WDR27: variants seen among roughly 807,000 people sequenced by gnomAD.
WDR27 encodes WD repeat domain 27.
In WDR27, 100 loss-of-function variants were observed where a neutral mutation model predicts 114.4. That is an observed-to-expected ratio of 0.87 (90% CI 0.74 to 1.03). WDR27 has a LOEUF of 1.03. Ranked by LOEUF, WDR27 falls within the 50% of genes least tolerant of loss-of-function variation. WDR27 has a pLI of 0.00. For synonymous variants in WDR27, 449 were observed against 423.1 expected (o/e 1.06, Z -0.75); for missense variants, 1,129 against 1,092.9 (o/e 1.03, Z -0.47).
intron 25 of WDR27, chr6:169,558,200 G>A (rs1799180266): frequency 1.3e-5 from 2 of 152,008 alleles, no homozygotes; most frequent in African/African-American, 2.4e-5. Flanking sequence ...AAGTGATCTT[G>A]TGTCAGAGTA....
chr6:169,427,364 G>C, the WDR27 span, among the ~76,000 whole-genome samples: 1 of 152,188 alleles, frequency 6.6e-6, no homozygotes, highest in Non-Finnish European at 1.5e-5. Context: ...GGAAGACTGA[G>C]AATCTCCCTC....
chr6:169,430,021 C>T, the WDR27 span, among the ~76,000 whole-genome samples: 1 of 152,176 alleles, frequency 6.6e-6, no homozygotes, highest in Non-Finnish European at 1.5e-5. Context: ...CTGGTTCCAC[C>T]ATCTTCAAGG....
intron 21 of WDR27, among the ~76,000 whole-genome samples, chr6:169,618,521 C>T (rs1812384542): frequency 7.2e-6 from 1 of 138,148 alleles, no homozygotes; most frequent in Non-Finnish European, 1.5e-5. Context: ...CTTGTTAATA[C>T]AATACTAAAA....
At chr6:169,575,526 A>G (rs1303906990) in intron 24 of WDR27, among the ~76,000 whole-genome samples, 1 of 152,082 alleles carries the variant, frequency 6.6e-6, no homozygotes, top group Middle Eastern at 3.2e-3. Context: ...CCCAACACTG[A>G]TCCTGAGCTG....
chr6:169,430,838 G>A, the WDR27 span, among the ~76,000 whole-genome samples: 1 of 152,220 alleles, frequency 6.6e-6, no homozygotes, highest in Non-Finnish European at 1.5e-5. Flanking sequence ...TGGGGAGGAA[G>A]TTGACTGGAG....
intron 2 of WDR27, among the ~76,000 whole-genome samples, chr6:169,683,863 T>A (rs1359867478): frequency 6.6e-6 from 1 of 152,212 alleles, no homozygotes; most frequent in Non-Finnish European, 1.5e-5. Context: ...TGGAAATTCA[T>A]GCTGTTGCAT....
At chr6:169,612,186 C>A (rs1810701152) in intron 22 of WDR27, among the ~76,000 whole-genome samples, 2 of 151,166 alleles carry the variant, frequency 1.3e-5, no homozygotes, top group Non-Finnish European at 2.9e-5. Flanking sequence ...AATCCCAGCA[C>A]TTTGGGAGGC....
At chr6:169,650,143 C>T (rs76890809) in intron 14 of WDR27, among the ~76,000 whole-genome samples, 6,467 of 139,138 alleles carry the variant, frequency 0.046, 184 homozygotes, top group Non-Finnish European at 0.07. Context: ...CTCTCAACTC[C>T]GCCCCTCTCC....
At position 169,465,878 on chromosome 6, in the gene WDR27, G is replaced by C. The variant is rs113014245; in HGVS notation, c.2646-8244C>G. Among the ~76,000 whole-genome samples the C allele has an allele frequency of 5.4e-3, 819 of 152,250 alleles. 6 individuals carry two copies. The highest frequency in any genetic ancestry group is 0.019 in the African/African-American group (789 of 41,546). On this transcript the variant is annotated intron_variant, in intron 25 of 25. Coordinates refer to ENST00000448612, the MANE Select transcript of WDR27 (RefSeq NM_182552.5). ...TTGCCAGGGACTGAGGAAGGGGATG[G>C]GGAATTATTACTTAATGGGCATGAA...
At chr6:169,646,565 TG>T (rs1820793422) in intron 16 of WDR27, among the ~76,000 whole-genome samples, 1 of 152,104 alleles carries the variant, frequency 6.6e-6, no homozygotes, top group African/African-American at 2.4e-5. Flanking sequence ...GTGGCCAACA[TG>T]GTGAAACCCC....
chr6:169,664,722 A>C, intron 7 of WDR27: 1 of 999,582 alleles, frequency 1.0e-6, no homozygotes, highest in Non-Finnish European at 1.2e-6. Flanking sequence ...CAAATTATAA[A>C]AACAGCAACT....
chr6:169,487,666 A>G (rs909276842), intron 25 of WDR27, among the ~76,000 whole-genome samples: 2 of 152,222 alleles, frequency 1.3e-5, no homozygotes, highest in Non-Finnish European at 2.9e-5. Flanking sequence ...CCAAGATAAG[A>G]CTTTTTAAAA....
At chr6:169,636,639 C>CT in intron 18 of WDR27, 135 bp from the exon 19 acceptor site, 1 of 829,334 alleles carries the variant, frequency 1.2e-6, no homozygotes, top group South Asian at 2.7e-5. Flanking sequence ...TTGTTAGACC[C>CT]AATCTACAAT....
chr6:169,557,957 C>T (rs146135978), intron 25 of WDR27, among the ~76,000 whole-genome samples: 1 of 151,940 alleles, frequency 6.6e-6, no homozygotes, highest in South Asian at 2.1e-4. Context: ...TTTTTTATAG[C>T]AGCCTAAGTG....
chr6:169,662,489 G>T, intron 8 of WDR27, 65 bp from the exon 9 acceptor site: 2 of 1,582,064 alleles, frequency 1.3e-6, no homozygotes, highest in Non-Finnish European at 8.6e-7. Context: ...TTTAAAGGCT[G>T]AGGACTGCCA....
chr6:169,458,006 A>AGGAGGAGGAGGT (rs869143503), intron 25 of WDR27, among the ~76,000 whole-genome samples: 1,555 of 139,778 alleles, frequency 0.011, 36 homozygotes, highest in African/African-American at 0.038. Context: ...GAGGAGGAGG[A>AGGAGGAGGAGGT]GGTGGTGGTG....
At chr6:169,502,009 C>G (rs1447692825) in intron 25 of WDR27, among the ~76,000 whole-genome samples, 4 of 152,242 alleles carry the variant, frequency 2.6e-5, no homozygotes, top group Non-Finnish European at 5.9e-5. Flanking sequence ...CAGTGTGACA[C>G]GGAGCCGGTG....
chr6:169,661,693 C>A (rs1826163324), intron 9 of WDR27, among the ~76,000 whole-genome samples: 1 of 152,194 alleles, frequency 6.6e-6, no homozygotes, highest in Admixed American at 6.5e-5. Context: ...TCCATGCCCA[C>A]CCTGCTTACT....
intron 22 of WDR27, among the ~76,000 whole-genome samples, chr6:169,606,469 T>G (rs1274881811): frequency 6.6e-6 from 1 of 152,170 alleles, no homozygotes; most frequent in African/African-American, 2.4e-5. Flanking sequence ...TTCCTCTCCT[T>G]ACTCCGCTGA....
Sources: gnomAD v4.1 joint callset for allele counts (sites outside exome capture counted in the v4.1 genomes callset) on GRCh38, gnomAD v4.1.1 for gene constraint, MANE v1.5 for transcripts, NCBI Gene and HGNC (gene_info 2026-07-23, HGNC 2026-07-21) for gene names.